The following MACROD2 variants were observed in gnomAD, a reference collection of about 807,000 sequenced individuals.
MACROD2 encodes the protein ADP-ribose glycohydrolase MACROD2.
Under a neutral mutation model 70.4 loss-of-function variants are expected in MACROD2, and 36 were observed. The ratio of observed to expected loss-of-function variants is 0.51; its 90% confidence interval spans 0.39 to 0.68. The LOEUF is 0.68. Among genes scored for constraint, MACROD2 ranks in the 30% least tolerant of loss-of-function variants. The pLI is 0.00. For missense variants in MACROD2, 496 were observed against 538.4 expected (o/e 0.92, Z 0.78); for synonymous variants, 172 against 178.8 (o/e 0.96, Z 0.30).
At chr20:15,756,533 G>C (rs771253824) in intron 8 of MACROD2, among the ~76,000 whole-genome samples, 3 of 152,106 alleles carry the variant, frequency 2.0e-5, no homozygotes, top group Non-Finnish European at 4.4e-5. Context: ...TCTTTAAAAG[G>C]TTTGCTGTAA....
intron 6 of MACROD2, among the ~76,000 whole-genome samples, chr20:15,231,736 C>T (rs1484573589): frequency 2.0e-5 from 3 of 151,972 alleles, no homozygotes; most frequent in East Asian, 1.9e-4. Flanking sequence ...GCTAAGTTAA[C>T]TTTTTAACAG....
At chr20:15,319,935 T>G (rs1403563950) in intron 6 of MACROD2, among the ~76,000 whole-genome samples, 1 of 152,172 alleles carries the variant, frequency 6.6e-6, no homozygotes, top group Non-Finnish European at 1.5e-5. Context: ...ATTAGTTTTT[T>G]CATTGCCAGG....
At chr20:14,238,512 A>G (rs1328555084) in intron 3 of MACROD2, among the ~76,000 whole-genome samples, 1 of 152,210 alleles carries the variant, frequency 6.6e-6, no homozygotes, top group Non-Finnish European at 1.5e-5. Context: ...AAGGATGCCC[A>G]TTCTCACCAC....
chr20:15,920,973 C>G (rs1326072544), intron 10 of MACROD2, among the ~76,000 whole-genome samples: 10 of 152,132 alleles, frequency 6.6e-5, no homozygotes, highest in Admixed American at 4.6e-4. Context: ...CCATCCTGTT[C>G]TCTCCCTCCT....
At chr20:15,499,985 T>C (rs1055858717) in intron 8 of MACROD2, 138 bp downstream of exon 8, 1 of 708,740 alleles carries the variant, frequency 1.4e-6, no homozygotes, top group Non-Finnish European at 2.4e-6. Flanking sequence ...ATTCTTCACT[T>C]GGGTTACATG....
chr20:15,194,028 C>T (rs1006754679), intron 5 of MACROD2, among the ~76,000 whole-genome samples: 1 of 151,772 alleles, frequency 6.6e-6, no homozygotes, highest in African/African-American at 2.4e-5. Flanking sequence ...GGCAGATCAC[C>T]TGAGGTCAGG....
At chr20:14,669,863 C>T (rs1342049483) in intron 4 of MACROD2, among the ~76,000 whole-genome samples, 1 of 151,934 alleles carries the variant, frequency 6.6e-6, no homozygotes, top group African/African-American at 2.4e-5. Flanking sequence ...CTATCATTTC[C>T]TCTTTACTTA....
In MACROD2 at chr20:14,534,803, T is replaced by C. The variant is rs769240861; in HGVS notation, c.301+41295T>C. Reference sequence around the variant, plus strand: ...TATATTGTTGTCCTTGGAGACAGAGTCTAAAAATAGTTTTAAAATAATTTC... The same window carrying C: ...TATATTGTTGTCCTTGGAGACAGAGCCTAAAAATAGTTTTAAAATAATTTC... On this transcript the variant is annotated intron_variant, in intron 4 of 17. Transcript: ENST00000684519. Among the ~76,000 whole-genome samples the C allele has an allele frequency of 1.6e-4, 24 of 151,922 alleles. 1 individual carries two copies. The Middle Eastern group carries it at 0.01, about 65-fold the overall frequency.
chr20:14,764,374 C>T (rs1389003346), intron 5 of MACROD2, among the ~76,000 whole-genome samples: 10 of 152,038 alleles, frequency 6.6e-5, no homozygotes, highest in African/African-American at 2.4e-4. Context: ...TTTCCAGTTG[C>T]CTGAAACCTG....
chr20:15,355,049 C>A (rs2078271091), intron 6 of MACROD2, among the ~76,000 whole-genome samples: 1 of 152,206 alleles, frequency 6.6e-6, no homozygotes, highest in Non-Finnish European at 1.5e-5. Context: ...CCTGAAGTTT[C>A]ATAGTTGGGA....
intron 5 of MACROD2, among the ~76,000 whole-genome samples, chr20:15,158,339 G>T (rs1459321618): frequency 6.6e-6 from 1 of 152,134 alleles, no homozygotes; most frequent in African/African-American, 2.4e-5. Context: ...ATAGCAATCA[G>T]CATTCGCAGT....
intron 3 of MACROD2, among the ~76,000 whole-genome samples, chr20:14,269,716 A>G (rs892174104): frequency 2.6e-5 from 4 of 152,154 alleles, no homozygotes; most frequent in Non-Finnish European, 4.4e-5. Flanking sequence ...ATAAAATTTG[A>G]AGGATTTCTG....
At chr20:15,579,220 G>C (rs574263798) in intron 8 of MACROD2, among the ~76,000 whole-genome samples, 3 of 152,280 alleles carry the variant, frequency 2.0e-5, no homozygotes, top group African/African-American at 7.2e-5. Context: ...CTGCTGCTTT[G>C]AAATGAGTTA....
intron 5 of MACROD2, among the ~76,000 whole-genome samples, chr20:15,037,026 G>A (rs1358426726): frequency 1.3e-5 from 2 of 151,538 alleles, no homozygotes; most frequent in East Asian, 1.9e-4. Context: ...TTAAAAATTG[G>A]TCTTTTTATG....
At chr20:14,400,609 C>T (rs1327140631) in intron 3 of MACROD2, among the ~76,000 whole-genome samples, 1 of 152,076 alleles carries the variant, frequency 6.6e-6, no homozygotes, top group African/African-American at 2.4e-5. Flanking sequence ...TCTGGATCTA[C>T]CTCCGTTCCT....
At chr20:15,473,203 A>G (rs1457700932) in intron 7 of MACROD2, among the ~76,000 whole-genome samples, 1 of 152,208 alleles carries the variant, frequency 6.6e-6, no homozygotes, top group Admixed American at 6.5e-5. Flanking sequence ...TATTGGGAAG[A>G]TTAGAAACAA....
intron 4 of MACROD2, among the ~76,000 whole-genome samples, chr20:14,647,887 G>A (rs191895014): frequency 6.6e-6 from 1 of 152,068 alleles, no homozygotes; most frequent in East Asian, 1.9e-4. Context: ...TCATAAGAGG[G>A]CAACACCATA....
intron 5 of MACROD2, among the ~76,000 whole-genome samples, chr20:14,948,745 G>A (rs764225841): frequency 6.6e-5 from 10 of 152,114 alleles, no homozygotes; most frequent in Non-Finnish European, 1.2e-4. Flanking sequence ...AATGAGTAAC[G>A]TACCTAAGGA....
chr20:14,837,938 C>CA (rs546001634), intron 5 of MACROD2, among the ~76,000 whole-genome samples: 19 of 99,788 alleles, frequency 1.9e-4, no homozygotes, highest in African/African-American at 4.5e-4. Flanking sequence ...CAGGCACAGC[C>CA]AAAAAACAAA....
Sources: allele counts gnomAD v4.1 joint callset (sites outside exome capture counted in the v4.1 genomes callset), GRCh38; gene constraint gnomAD v4.1.1; transcripts MANE v1.5; gene names NCBI Gene and HGNC (gene_info 2026-07-23, HGNC 2026-07-21).